The following PTPRN2 variants were observed in gnomAD, a reference collection of about 807,000 sequenced individuals.
PTPRN2 encodes the protein protein tyrosine phosphatase receptor type N2.
Under a neutral mutation model 118.8 loss-of-function variants are expected in PTPRN2, and 74 were observed. The observed-to-expected ratio is 0.62, with a 90% CI of 0.52 to 0.76. The LOEUF (loss-of-function observed/expected upper bound fraction) is 0.76. Among genes scored for constraint, PTPRN2 ranks in the 30% least tolerant of loss-of-function variants. The probability of loss-of-function intolerance (pLI) is 0.00; values close to 1 mark genes in which losing one functional copy is unlikely to be tolerated. For synonymous variants in PTPRN2, 641 were observed against 608.0 expected, an observed-to-expected ratio of 1.05 and a Z score of -0.80; for missense variants, 1,481 against 1,394.4, an observed-to-expected ratio of 1.06 and a Z score of -0.99.
Position 157,956,073 on chromosome 7 carries a change from G to A in PTPRN2, c.1724-57336C>T, listed in dbSNP as rs1050837208. The stretch of plus-strand genomic sequence containing the variant: ...GCTGAAACTAGGATGTGTTTCTCTT[G>A]TGTTTGGATGAGATTTTATTCTTCC... On this transcript the variant is annotated intron_variant, in intron 11 of 22. Coordinates refer to ENST00000389418, the MANE Select transcript of PTPRN2 (RefSeq NM_002847.5). Among the ~76,000 whole-genome samples the A allele has an allele frequency of 2.6e-5, 4 of 152,194 alleles. No individual in the cohort carries two copies. The East Asian group carries it at 5.8e-4, about 22-fold the overall frequency.
At chr7:158,001,538 G>GCACAGCAGGGGGACA (rs1805260530) in intron 11 of PTPRN2, among the ~76,000 whole-genome samples, 1 of 151,874 alleles carries the variant, frequency 6.6e-6, no homozygotes, top group South Asian at 2.1e-4. Flanking sequence ...GGCTGGGGAC[G>GCACAGCAGGGGGACA]TGCACAGCAG....
intron 13 of PTPRN2, among the ~76,000 whole-genome samples, chr7:157,661,684 G>A (rs950227775): frequency 6.6e-6 from 1 of 152,242 alleles, no homozygotes; most frequent in African/African-American, 2.4e-5. Context: ...GGATGGTGGG[G>A]AAGCCGGGTC....
At position 157,987,431 on chromosome 7, in the gene PTPRN2, G is replaced by A. The variant is rs1035002063; in HGVS notation, c.1724-88694C>T. 6.6e-6 allele frequency among the ~76,000 whole-genome samples: 1 copy of A among 151,992 alleles called. No homozygotes were observed. Among genetic ancestry groups the A allele is most frequent in the East Asian group, 1.9e-4 (1 of 5,182 alleles). On this transcript the variant is annotated intron_variant, in intron 11 of 22. Transcript: ENST00000389418. This position sits in a 1 kb window ranked among gnomAD's most constrained non-coding sequence, Gnocchi z 4.3. Reference sequence around the variant, plus strand: ...CTAATGGGGTGATCGGTCACTAAACGGGGTGAGATGACAGGTCATTAATGG... The same window carrying A: ...CTAATGGGGTGATCGGTCACTAAACAGGGTGAGATGACAGGTCATTAATGG...
At chr7:158,228,655 G>A (rs191857224) in intron 3 of PTPRN2, among the ~76,000 whole-genome samples, 2 of 152,062 alleles carry the variant, frequency 1.3e-5, no homozygotes, top group Admixed American at 1.3e-4. Flanking sequence ...AACACCCCAA[G>A]CAGACAGCAA....
chr7:158,431,432 C>T (rs1816170466), intron 2 of PTPRN2, among the ~76,000 whole-genome samples: 1 of 149,236 alleles, frequency 6.7e-6, no homozygotes, highest in African/African-American at 2.5e-5. Flanking sequence ...CACTGGCTCA[C>T]ACCAGGCACA....
At chr7:158,089,539 AAGAG>A in intron 10 of PTPRN2, among the ~76,000 whole-genome samples, 1 of 140,990 alleles carries the variant, frequency 7.1e-6, no homozygotes, top group African/African-American at 3.0e-5. Context: ...CCCCTGATGA[AAGAG>A]GGAGTCTTCA....
intron 2 of PTPRN2, among the ~76,000 whole-genome samples, chr7:158,437,887 A>T (rs1045539925): frequency 9.2e-5 from 14 of 152,202 alleles, no homozygotes; most frequent in African/African-American, 2.9e-4. Flanking sequence ...GGGCCTGGTA[A>T]CCTTTGCAAT....
chr7:158,246,028 C>T (rs1032465570), intron 3 of PTPRN2, among the ~76,000 whole-genome samples: 5 of 151,922 alleles, frequency 3.3e-5, no homozygotes, highest in Non-Finnish European at 7.4e-5. Flanking sequence ...TCCCCACCTG[C>T]GACAATAAAC....
chr7:158,488,366 C>T (rs1029459703), intron 2 of PTPRN2, among the ~76,000 whole-genome samples: 1 of 152,084 alleles, frequency 6.6e-6, no homozygotes, highest in Non-Finnish European at 1.5e-5. Context: ...AGGAATCTCC[C>T]GAAAGAAGAG....
At chr7:158,004,589 C>G (rs889706068) in intron 11 of PTPRN2, among the ~76,000 whole-genome samples, 7 of 152,156 alleles carry the variant, frequency 4.6e-5, no homozygotes, top group Non-Finnish European at 8.8e-5. Context: ...TTATCACTTT[C>G]CTGACAGTTT....
intron 11 of PTPRN2, among the ~76,000 whole-genome samples, chr7:158,011,554 A>G (rs1285773732): frequency 6.6e-6 from 1 of 152,240 alleles, no homozygotes; most frequent in Non-Finnish European, 1.5e-5. Flanking sequence ...CAAATTAAGA[A>G]CATATCATGA....
chr7:158,439,036 T>A (rs1337433071), intron 2 of PTPRN2, among the ~76,000 whole-genome samples: 14 of 152,224 alleles, frequency 9.2e-5, no homozygotes, highest in Non-Finnish European at 1.6e-4. Flanking sequence ...CTCAATTGTG[T>A]ATTCACTGGA....
chr7:158,417,350 C>T (rs576271373), intron 2 of PTPRN2, among the ~76,000 whole-genome samples: 7 of 151,484 alleles, frequency 4.6e-5, no homozygotes, highest in South Asian at 2.1e-4. Context: ...TTCAGTGTCC[C>T]GCTGTGCTGT....
chr7:158,272,708 C>A (rs1798595767), intron 3 of PTPRN2, among the ~76,000 whole-genome samples: 1 of 152,146 alleles, frequency 6.6e-6, no homozygotes, highest in Non-Finnish European at 1.5e-5. Flanking sequence ...CGGGATAAGC[C>A]CTCAGGATGG....
intron 11 of PTPRN2, among the ~76,000 whole-genome samples, chr7:157,989,432 GA>G (rs1187872452): frequency 6.6e-6 from 1 of 151,940 alleles, no homozygotes; most frequent in Non-Finnish European, 1.5e-5. Flanking sequence ...AAAAAGAAAA[GA>G]AAAGAGAAAA....
At position 158,274,404 on chromosome 7, in the gene PTPRN2, A is replaced by G. The variant is rs867368038; in HGVS notation, c.277+42415T>C. On this transcript the variant is annotated intron_variant, in intron 3 of 22. Transcript: ENST00000389418. ...GGGAGCCGCAGGCACAGGGGGAGCC[A>G]CAGGCACAGGGGGAGCCGCAGACAG... Among the ~76,000 whole-genome samples the G allele has an allele frequency of 3.5e-3, 349 of 100,146 alleles. 2 individuals carry two copies. The highest frequency in any genetic ancestry group is 6.6e-3 in the East Asian group (19 of 2,864). 65.7% of individuals were successfully genotyped at this position (100,146 alleles called of 152,430 possible).
At chr7:158,175,617 CTT>C (rs1019977881) in intron 5 of PTPRN2, among the ~76,000 whole-genome samples, 1 of 152,132 alleles carries the variant, frequency 6.6e-6, no homozygotes, top group Non-Finnish European at 1.5e-5. Flanking sequence ...GACAAAATAA[CTT>C]TTTTGCATTC....
At chr7:157,828,557 T>A (rs1363203982) in intron 12 of PTPRN2, among the ~76,000 whole-genome samples, 1 of 138,414 alleles carries the variant, frequency 7.2e-6, no homozygotes, top group Non-Finnish European at 1.5e-5. Flanking sequence ...TCCTGGTTAC[T>A]GCAGGTATGA....
At chr7:158,478,197 C>T (rs1343767912) in intron 2 of PTPRN2, among the ~76,000 whole-genome samples, 1 of 152,204 alleles carries the variant, frequency 6.6e-6, no homozygotes, top group African/African-American at 2.4e-5. Context: ...ATGAAGAAGG[C>T]TCAGCCCATG....
Sources: allele counts gnomAD v4.1 joint callset (sites outside exome capture counted in the v4.1 genomes callset), GRCh38; gene constraint gnomAD v4.1.1; non-coding constraint Gnocchi (gnomAD v3.1); transcripts MANE v1.5; gene names NCBI Gene and HGNC (gene_info 2026-07-23, HGNC 2026-07-21).